Variants in C10orf67 observed in about 807,000 individuals in gnomAD.
C10orf67 encodes uncharacterized protein C10orf67, mitochondrial.
A neutral mutation model predicts 35.6 loss-of-function variants in C10orf67; 60 were observed. The observed-to-expected ratio is 1.68, with a 90% CI of 1.37 to 2.09. The LOEUF is 2.09. C10orf67 is among the 30% of genes most tolerant of loss of function. The pLI is 0.00. For synonymous variants in C10orf67, 167 were observed against 115.8 expected (o/e 1.44, Z -2.84); for missense variants, 474 against 330.2 (o/e 1.44, Z -3.38).
Position 23,241,016 on chromosome 10 carries a change from T to G in C10orf67, c.1347-1200A>C, listed in dbSNP as rs1216602636. Among the ~76,000 whole-genome samples, 12 of 152,216 alleles carry G rather than the reference T, an allele frequency of 7.9e-5. No individual in the cohort carries two copies. The East Asian group carries it at 2.3e-3, about 29-fold the overall frequency. ...TCAGGGTCAAACGTGCTACCTTTCA[T>G]GAAAGAAGATATTTGACTCAGTAGT... is the stretch of plus-strand genomic sequence containing the variant. On this transcript the variant is annotated intron_variant, in intron 12 of 15. Transcript: ENST00000636213.
At chr10:23,222,459 A>G (rs1288882151) in intron 15 of C10orf67, among the ~76,000 whole-genome samples, 1 of 152,202 alleles carries the variant, frequency 6.6e-6, no homozygotes, top group African/African-American at 2.4e-5. Flanking sequence ...AACATTGGGT[A>G]CACAGGGACA....
chr10:23,229,158 A>C (rs187735164), intron 13 of C10orf67, among the ~76,000 whole-genome samples: 2 of 152,246 alleles, frequency 1.3e-5, no homozygotes, highest in African/African-American at 4.8e-5. Flanking sequence ...GGCACTATTC[A>C]CAATAGCAAA....
At chr10:23,271,639 A>G (rs943668567) in intron 8 of C10orf67, among the ~76,000 whole-genome samples, 1 of 152,202 alleles carries the variant, frequency 6.6e-6, no homozygotes, top group African/African-American at 2.4e-5. Flanking sequence ...GCAATATTTC[A>G]TTGAGATTTT....
chr10:23,289,853 T>C (rs940195458), intron 7 of C10orf67, 47 bp downstream of exon 7: 4 of 711,124 alleles, frequency 5.6e-6, no homozygotes, highest in Admixed American at 4.1e-5. Context: ...ATTGCGCCTA[T>C]AGTTCCATTT....
intron 2 of C10orf67, among the ~76,000 whole-genome samples, chr10:23,331,240 A>G (rs1250866641): frequency 3.6e-3 from 14 of 3,892 alleles, no homozygotes; most frequent in Non-Finnish European, 5.1e-3. Context: ...GAGGGAAGGG[A>G]AGGGAAGGGA....
In C10orf67 at chr10:23,266,518, G is replaced by T. The variant is rs1217876689; in HGVS notation, c.1036-92C>A. ...CACACTCTTCCCCTCCCCTGAGCTGGAATTGCAGAACTGAGGTTTTCAGTC... is the reference window on the plus strand; with the variant it reads ...CACACTCTTCCCCTCCCCTGAGCTGTAATTGCAGAACTGAGGTTTTCAGTC... On this transcript the variant is annotated intron_variant, in intron 9 of 15. Transcript: ENST00000636213. 1.0e-4 allele frequency: 41 copies of T among 397,078 alleles called. No homozygotes were observed. The East Asian group carries it at 1.5e-3, about 14-fold the overall frequency. The allele number at this position is 397,078 out of a possible 1,614,324, so 24.6% of individuals were successfully genotyped here.
chr10:23,298,937 G>C (rs1843980320), intron 5 of C10orf67, among the ~76,000 whole-genome samples: 1 of 152,180 alleles, frequency 6.6e-6, no homozygotes, highest in East Asian at 1.9e-4. Context: ...CAAATAGATG[G>C]GGGCTATTCC....
At chr10:23,239,587 C>A (rs888165022) in intron 13 of C10orf67, 142 bp downstream of exon 13, 24 of 458,104 alleles carry the variant, frequency 5.2e-5, no homozygotes, top group African/African-American at 3.9e-4. Flanking sequence ...GTCTTAACAC[C>A]CTCAGCATCT....
At chr10:23,340,864 T>C (rs1401049695) in intron 1 of C10orf67, among the ~76,000 whole-genome samples, 1 of 152,206 alleles carries the variant, frequency 6.6e-6, no homozygotes, top group Non-Finnish European at 1.5e-5. Context: ...ATAAATTACA[T>C]ACAAAATTAA....
chr10:23,245,903 C>T (rs1442930887), intron 12 of C10orf67, among the ~76,000 whole-genome samples: 1 of 152,136 alleles, frequency 6.6e-6, no homozygotes, highest in Admixed American at 6.5e-5. Context: ...CATGCACATG[C>T]ATGTTCATTG....
At chr10:23,228,389 A>G (rs7089550) in intron 13 of C10orf67, among the ~76,000 whole-genome samples, 92,045 of 151,984 alleles carry the variant, frequency 0.61, 28,726 homozygotes, top group East Asian at 0.88. Context: ...CTAGCCATAT[A>G]TAGAAAGCTG....
At chr10:23,341,098 G>A (rs1845865354) in intron 1 of C10orf67, among the ~76,000 whole-genome samples, 1 of 152,158 alleles carries the variant, frequency 6.6e-6, no homozygotes, top group African/African-American at 2.4e-5. Context: ...GAACTTTGAT[G>A]TGCCCCATGG....
chr10:23,298,321 T>C (rs536099431), intron 5 of C10orf67, among the ~76,000 whole-genome samples: 1 of 152,294 alleles, frequency 6.6e-6, no homozygotes, highest in African/African-American at 2.4e-5. Context: ...TCAATTTCCT[T>C]ACTCAGGTAT....
At chr10:23,229,853 A>G (rs147490758) in intron 13 of C10orf67, among the ~76,000 whole-genome samples, 5 of 152,244 alleles carry the variant, frequency 3.3e-5, no homozygotes, top group South Asian at 4.1e-4. Flanking sequence ...AATATATAAC[A>G]TATTTACAGA....
At chr10:23,307,523 A>C (rs1392557744) in intron 4 of C10orf67, among the ~76,000 whole-genome samples, 1 of 152,206 alleles carries the variant, frequency 6.6e-6, no homozygotes, top group Non-Finnish European at 1.5e-5. Flanking sequence ...AGAATTAAAA[A>C]GAGTGAAAAA....
Position 23,232,234 on chromosome 10 carries a change from A to G in C10orf67, c.1434+7495T>C, listed in dbSNP as rs1841932780. On this transcript the variant is annotated intron_variant, in intron 13 of 15. Transcript: ENST00000636213. ...TTGAAAAACATGCATACAAAAAAACATGAAACAACATAATTTAGACTCGAG... is the reference window on the plus strand; with the variant it reads ...TTGAAAAACATGCATACAAAAAAACGTGAAACAACATAATTTAGACTCGAG... 2.0e-5 allele frequency among the ~76,000 whole-genome samples: 3 copies of G among 152,312 alleles called. No homozygotes were observed. The South Asian group carries it at 6.2e-4, about 32-fold the overall frequency.
intron 1 of C10orf67, among the ~76,000 whole-genome samples, chr10:23,342,035 G>A (rs1469827017): frequency 6.6e-6 from 1 of 152,010 alleles, no homozygotes; most frequent in Non-Finnish European, 1.5e-5. Flanking sequence ...AGGCTGGGGT[G>A]TGCTTGTCGT....
intron 8 of C10orf67, among the ~76,000 whole-genome samples, chr10:23,270,926 G>A (rs1008417966): frequency 1.3e-5 from 2 of 152,232 alleles, no homozygotes; most frequent in African/African-American, 4.8e-5. Flanking sequence ...TATATGTACA[G>A]AACTCTGATC....
intron 13 of C10orf67, among the ~76,000 whole-genome samples, chr10:23,234,757 G>C (rs1344362575): frequency 6.6e-6 from 1 of 151,388 alleles, no homozygotes; most frequent in Non-Finnish European, 1.5e-5. Flanking sequence ...GCTCACGCCT[G>C]TAATCCCAGC....
Sources: gnomAD v4.1 joint callset for allele counts (sites outside exome capture counted in the v4.1 genomes callset) on GRCh38, gnomAD v4.1.1 for gene constraint, MANE v1.5 for transcripts, NCBI Gene and HGNC (gene_info 2026-07-23, HGNC 2026-07-21) for gene names.